CMTM8: variants seen among roughly 807,000 people sequenced by gnomAD.
The protein encoded by CMTM8 is CKLF-like MARVEL transmembrane domain-containing protein 8.
A neutral mutation model predicts 18.6 loss-of-function variants in CMTM8; 12 were observed. The ratio of observed to expected loss-of-function variants is 0.65; its 90% CI spans 0.41 to 1.05. CMTM8 has a LOEUF of 1.05. Ranked by LOEUF, CMTM8 falls within the 50% of genes least tolerant of loss-of-function variation. The pLI is 0.00. For synonymous variants in CMTM8, 87 were observed against 90.6 expected (o/e 0.96, Z 0.23); for missense variants, 217 against 227.2 (o/e 0.95, Z 0.29).
intron 2 of CMTM8, among the ~76,000 whole-genome samples, chr3:32,366,811 G>A (rs1011138646): frequency 1.3e-5 from 2 of 152,170 alleles, no homozygotes; most frequent in Non-Finnish European, 2.9e-5. Flanking sequence ...GAGTCATTTA[G>A]TGAGACCAGG....
chr3:32,281,537 T>C (rs541634810), intron 1 of CMTM8, among the ~76,000 whole-genome samples: 19 of 152,226 alleles, frequency 1.2e-4, no homozygotes, highest in African/African-American at 3.6e-4. Context: ...TCTTGAAAAC[T>C]GTAACATATC....
intron 1 of CMTM8, among the ~76,000 whole-genome samples, chr3:32,287,928 G>A (rs527488767): frequency 2.6e-5 from 4 of 152,210 alleles, no homozygotes; most frequent in Admixed American, 1.3e-4. Context: ...ACAGTATTCC[G>A]TGCTTGAAGT....
intron 1 of CMTM8, among the ~76,000 whole-genome samples, chr3:32,338,133 G>A (rs949085708): frequency 1.3e-5 from 2 of 151,960 alleles, no homozygotes; most frequent in Admixed American, 6.6e-5. Flanking sequence ...ACAGGTGTGT[G>A]CCACCACGCC....
chr3:32,248,756 C>G (rs775044797), intron 1 of CMTM8, among the ~76,000 whole-genome samples: 24 of 151,878 alleles, frequency 1.6e-4, no homozygotes, highest in Non-Finnish European at 2.6e-4. Context: ...CATCATAACT[C>G]ATTGTAACCA....
At chr3:32,369,814 G>A in intron 3 of CMTM8, 70 bp from the exon 4 acceptor site, 2 of 974,482 alleles carry the variant, frequency 2.1e-6, no homozygotes, top group Non-Finnish European at 3.2e-6. Context: ...TTCAATGGAG[G>A]TGAAATGATA....
intron 1 of CMTM8, among the ~76,000 whole-genome samples, chr3:32,344,407 G>A (rs1696555737): frequency 6.6e-6 from 1 of 152,288 alleles, no homozygotes; most frequent in South Asian, 2.1e-4. Flanking sequence ...ATGTCCTATA[G>A]CAATGTAGCA....
At chr3:32,331,551 C>CAA (rs370967984) in intron 1 of CMTM8, among the ~76,000 whole-genome samples, 86 of 138,236 alleles carry the variant, frequency 6.2e-4, no homozygotes, top group Non-Finnish European at 9.3e-4. Context: ...ATAAACCATA[C>CAA]AAAAAAAAAA....
chr3:32,293,637 G>A (rs1348050552), intron 1 of CMTM8, among the ~76,000 whole-genome samples: 3 of 152,160 alleles, frequency 2.0e-5, no homozygotes, highest in Non-Finnish European at 4.4e-5. Flanking sequence ...CCTGAGGTCA[G>A]GAGTTCAAGA....
chr3:32,310,077 A>G (rs967668320), intron 1 of CMTM8, among the ~76,000 whole-genome samples: 2 of 152,234 alleles, frequency 1.3e-5, no homozygotes, highest in Non-Finnish European at 2.9e-5. Flanking sequence ...AAGTGAACAC[A>G]GGAGATCCAT....
chr3:32,309,094 G>T (rs1695769721), intron 1 of CMTM8, among the ~76,000 whole-genome samples: 1 of 152,020 alleles, frequency 6.6e-6, no homozygotes, highest in Non-Finnish European at 1.5e-5. Flanking sequence ...GCTGAGTCTG[G>T]GTCATATGTA....
At chr3:32,338,219 T>C (rs922959105) in intron 1 of CMTM8, among the ~76,000 whole-genome samples, 2 of 152,102 alleles carry the variant, frequency 1.3e-5, no homozygotes, top group Non-Finnish European at 2.9e-5. Context: ...CTTGACCTTG[T>C]GATCTGCCCG....
intron 1 of CMTM8, among the ~76,000 whole-genome samples, chr3:32,349,644 T>C (rs1034428916): frequency 6.6e-6 from 1 of 152,082 alleles, no homozygotes; most frequent in Non-Finnish European, 1.5e-5. Flanking sequence ...ATCAAGTACG[T>C]AGAGGACAGG....
chr3:32,300,217 G>A (rs367696926), intron 1 of CMTM8, among the ~76,000 whole-genome samples: 2 of 152,172 alleles, frequency 1.3e-5, no homozygotes, highest in Non-Finnish European at 2.9e-5. Flanking sequence ...TAGGCTGAGC[G>A]GGGGAACCCA....
intron 2 of CMTM8, among the ~76,000 whole-genome samples, chr3:32,359,776 C>A (rs887303464): frequency 3.9e-5 from 6 of 152,070 alleles, no homozygotes; most frequent in Non-Finnish European, 8.8e-5. Flanking sequence ...ATTAACAATG[C>A]CTTCTTCCGG....
intron 1 of CMTM8, among the ~76,000 whole-genome samples, chr3:32,247,835 C>T (rs1427343696): frequency 2.0e-5 from 3 of 152,156 alleles, no homozygotes; most frequent in Non-Finnish European, 4.4e-5. Flanking sequence ...ACATTTTCAT[C>T]CCTCAAAAAC....
intron 1 of CMTM8, among the ~76,000 whole-genome samples, chr3:32,312,649 A>G (rs1695842045): frequency 6.6e-6 from 1 of 152,048 alleles, no homozygotes; most frequent in South Asian, 2.1e-4. Context: ...TGACAGAAGC[A>G]CGCTAGATTA....
chr3:32,337,976 C>CT (rs1415837694), intron 1 of CMTM8, among the ~76,000 whole-genome samples: 4,915 of 130,668 alleles, frequency 0.038, 417 homozygotes, highest in African/African-American at 0.13. Flanking sequence ...ACTATTTGGC[C>CT]TTTTTTTTTT....
chr3:32,353,448 A>G (rs887379711), intron 1 of CMTM8, among the ~76,000 whole-genome samples: 4 of 152,238 alleles, frequency 2.6e-5, no homozygotes, highest in Admixed American at 2.0e-4. Context: ...TTGTACAAAC[A>G]TAAAGAAGAC....
chr3:32,360,156 T>C (rs527564516), intron 2 of CMTM8, among the ~76,000 whole-genome samples: 1 of 152,350 alleles, frequency 6.6e-6, no homozygotes, highest in South Asian at 2.1e-4. Context: ...AAACTCAGCA[T>C]GGTATTGAAC....
Sources: allele counts gnomAD v4.1 joint callset (sites outside exome capture counted in the v4.1 genomes callset), GRCh38; gene constraint gnomAD v4.1.1; transcripts MANE v1.5; gene names NCBI Gene and HGNC (gene_info 2026-07-23, HGNC 2026-07-21).